The following IMMP2L variants were observed in gnomAD, a reference collection of about 807,000 sequenced individuals.
The protein encoded by IMMP2L is inner mitochondrial membrane peptidase subunit 2.
In IMMP2L, 18 loss-of-function variants were observed where a neutral mutation model predicts 19.3. That is an observed-to-expected ratio of 0.93 (90% CI 0.64 to 1.38). The LOEUF is 1.38. IMMP2L is among the 40% of genes most tolerant of loss of function. The pLI, the probability that IMMP2L is intolerant of heterozygous loss-of-function variation, is 0.00. For missense variants in IMMP2L, 233 were observed against 218.2 expected (o/e 1.07, Z -0.43); for synonymous variants, 76 against 73.0 (o/e 1.04, Z -0.21).
chr7:111,443,684 T>C (rs193200456), intron 3 of IMMP2L, among the ~76,000 whole-genome samples: 2 of 152,292 alleles, frequency 1.3e-5, no homozygotes, highest in African/African-American at 4.8e-5. Flanking sequence ...ACTGAAAAGG[T>C]GCAATTATTA....
chr7:111,005,143 C>T (rs1379391564), intron 3 of IMMP2L, among the ~76,000 whole-genome samples: 2 of 152,090 alleles, frequency 1.3e-5, no homozygotes, highest in Non-Finnish European at 2.9e-5. Flanking sequence ...GAGGCCATCA[C>T]TTCAGTGGTT....
chr7:111,379,803 A>G (rs1274749834), intron 3 of IMMP2L, among the ~76,000 whole-genome samples: 1 of 151,926 alleles, frequency 6.6e-6, no homozygotes, highest in Non-Finnish European at 1.5e-5. Context: ...TAAGAAAACT[A>G]GCAAGTCAGT....
At chr7:110,773,056 A>T (rs956751359) in intron 5 of IMMP2L, among the ~76,000 whole-genome samples, 3 of 152,086 alleles carry the variant, frequency 2.0e-5, no homozygotes, top group Non-Finnish European at 4.4e-5. Context: ...GGAGATATAT[A>T]TTCCCAAGGC....
At chr7:111,270,124 G>A (rs1431720920) in intron 3 of IMMP2L, among the ~76,000 whole-genome samples, 2 of 148,284 alleles carry the variant, frequency 1.3e-5, no homozygotes, top group Admixed American at 6.8e-5. Context: ...GAAAATCACC[G>A]ATTTTCTTTT....
chr7:111,093,379 T>C (rs1797066742), intron 3 of IMMP2L, among the ~76,000 whole-genome samples: 1 of 152,172 alleles, frequency 6.6e-6, no homozygotes, highest in Non-Finnish European at 1.5e-5. Context: ...ACAGACCAGA[T>C]CTGATATTTT....
intron 5 of IMMP2L, among the ~76,000 whole-genome samples, chr7:110,771,948 C>T (rs1799071319): frequency 6.6e-6 from 1 of 152,146 alleles, no homozygotes; most frequent in African/African-American, 2.4e-5. Context: ...TGCCAGACTT[C>T]CTCTATGGTA....
chr7:111,465,086 C>T (rs986931227), intron 3 of IMMP2L, among the ~76,000 whole-genome samples: 4 of 151,948 alleles, frequency 2.6e-5, no homozygotes, highest in Non-Finnish European at 4.4e-5. Context: ...TGAGCCACCG[C>T]GTCCGGCCAA....
chr7:110,929,265 T>C (rs1322863996), intron 4 of IMMP2L, among the ~76,000 whole-genome samples: 2 of 152,166 alleles, frequency 1.3e-5, no homozygotes, highest in African/African-American at 4.8e-5. Flanking sequence ...CTTGTATCTG[T>C]AGAATGGTTG....
intron 3 of IMMP2L, among the ~76,000 whole-genome samples, chr7:111,224,642 A>G (rs542964514): frequency 2.6e-5 from 4 of 152,250 alleles, no homozygotes; most frequent in South Asian, 2.1e-4. Context: ...AGTGAACTCA[A>G]TGGACTCCTG....
chr7:110,858,473 C>T (rs532492721), intron 5 of IMMP2L, among the ~76,000 whole-genome samples: 1 of 152,168 alleles, frequency 6.6e-6, no homozygotes, highest in Admixed American at 6.6e-5. Context: ...TTGAAATCTA[C>T]AGTTTACTAT....
intron 5 of IMMP2L, among the ~76,000 whole-genome samples, chr7:110,707,038 G>T (rs1444961063): frequency 9.1e-6 from 1 of 110,310 alleles, no homozygotes; most frequent in African/African-American, 3.4e-5. Flanking sequence ...AAGTTTTAGG[G>T]TACATGTGCA....
At position 111,323,261 on chromosome 7, in the gene IMMP2L, C is replaced by A. The variant is rs1824937398; in HGVS notation, c.239+163977G>T. On this transcript the variant is annotated intron_variant, in intron 3 of 5. Coordinates refer to ENST00000405709, the MANE Select transcript of IMMP2L (RefSeq NM_032549.4). ...ACTCATCTGACAAAGGGCTAATATC[C>A]AGAATCTACAATGAACTCAAACAAA... Among the ~76,000 whole-genome samples the A allele has an allele frequency of 2.6e-5, 4 of 151,900 alleles. No homozygotes were observed. The South Asian group carries it at 8.3e-4, about 32-fold the overall frequency.
intron 3 of IMMP2L, among the ~76,000 whole-genome samples, chr7:111,098,069 G>GA (rs1485124094): frequency 2.0e-5 from 3 of 151,718 alleles, no homozygotes; most frequent in Non-Finnish European, 4.4e-5. Context: ...ATATATGAAA[G>GA]ATAAACATAC....
chr7:111,197,441 C>CT (rs1809631290), intron 3 of IMMP2L, among the ~76,000 whole-genome samples: 1 of 151,966 alleles, frequency 6.6e-6, no homozygotes, highest in Admixed American at 6.5e-5. Context: ...CCAGCCTGGG[C>CT]AACAGAGCGA....
At chr7:111,069,285 G>T (rs897939017) in intron 3 of IMMP2L, among the ~76,000 whole-genome samples, 9 of 152,132 alleles carry the variant, frequency 5.9e-5, no homozygotes, top group Non-Finnish European at 1.3e-4. Context: ...ACTTCCATGG[G>T]CAAGCTGCAG....
intron 5 of IMMP2L, among the ~76,000 whole-genome samples, chr7:110,717,684 T>C (rs920683852): frequency 2.0e-5 from 3 of 152,224 alleles, no homozygotes; most frequent in Admixed American, 6.5e-5. Context: ...GAATCACTTA[T>C]AGTGGCATTA....
At chr7:111,298,502 C>A (rs927223937) in intron 3 of IMMP2L, among the ~76,000 whole-genome samples, 1 of 152,094 alleles carries the variant, frequency 6.6e-6, no homozygotes, top group African/African-American at 2.4e-5. Flanking sequence ...GTAATCCCAG[C>A]ACTTTGGGAG....
At chr7:111,099,989 T>G (rs1797800392) in intron 3 of IMMP2L, 1 of 151,666 alleles carries the variant, frequency 6.6e-6, no homozygotes, top group African/African-American at 2.4e-5. Context: ...ACTCACCTCA[T>G]TTCACTTTGA....
chr7:111,125,044 A>G (rs902666738), intron 3 of IMMP2L: 12 of 624,204 alleles, frequency 1.9e-5, no homozygotes, highest in African/African-American at 1.3e-4. Flanking sequence ...AGCTTCACCA[A>G]TGCTGCTCCT....
Sources: allele counts gnomAD v4.1 joint callset (sites outside exome capture counted in the v4.1 genomes callset), GRCh38; gene constraint gnomAD v4.1.1; transcripts MANE v1.5; gene names NCBI Gene and HGNC (gene_info 2026-07-23, HGNC 2026-07-21).